Variants in NDRG3 observed in about 807,000 individuals in gnomAD.
The protein encoded by NDRG3 is NDRG family member 3, also known as protein NDRG3.
NDRG3 carries 23 observed loss-of-function variants against 57.2 expected under a neutral mutation model. The observed-to-expected ratio is 0.40, with a 90% CI of 0.29 to 0.57. NDRG3 has a LOEUF of 0.57. NDRG3 is among the 20% of genes least tolerant of loss of function. The pLI is 0.42. For missense variants in NDRG3, 384 were observed against 457.3 expected (o/e 0.84, Z 1.46); for synonymous variants, 132 against 162.6 (o/e 0.81, Z 1.43).
At chr20:36,676,736 A>C (rs932680845) in intron 8 of NDRG3, among the ~76,000 whole-genome samples, 1 of 152,232 alleles carries the variant, frequency 6.6e-6, no homozygotes, top group African/African-American at 2.4e-5. Context: ...GTGCTGGGAT[A>C]ATGGGCGTAA....
At chr20:36,738,561 GC>G (rs1568676224) in intron 1 of NDRG3, among the ~76,000 whole-genome samples, 1 of 151,688 alleles carries the variant, frequency 6.6e-6, no homozygotes, top group Non-Finnish European at 1.5e-5. Flanking sequence ...AGTGGCTCAC[GC>G]CTGTAATCCC....
chr20:36,665,723 C>G (rs908271495), intron 10 of NDRG3, among the ~76,000 whole-genome samples: 1 of 152,032 alleles, frequency 6.6e-6, no homozygotes, highest in Non-Finnish European at 1.5e-5. Flanking sequence ...CTCAGCCTCC[C>G]AAGTAGCTGA....
At chr20:36,655,490 C>T (rs1471079049) in intron 15 of NDRG3, among the ~76,000 whole-genome samples, 4 of 152,206 alleles carry the variant, frequency 2.6e-5, no homozygotes, top group African/African-American at 9.6e-5. Flanking sequence ...AGGACAATGG[C>T]ATATGATATG....
chr20:36,729,808 A>G (rs1207426070), intron 1 of NDRG3, among the ~76,000 whole-genome samples: 5 of 152,100 alleles, frequency 3.3e-5, no homozygotes, highest in African/African-American at 1.2e-4. Flanking sequence ...AATTACAGGC[A>G]TGAGCCACCA....
rs949797208 is a variant in NDRG3 at position 36,688,667 on chromosome 20, T to C, written c.199+12A>G. ...TATGATAAGAAGGGAAGGTGTAAAA[T>C]AAAATACATACGGTTGAGGCCAATG... On this transcript the variant is annotated intron_variant, in intron 4 of 15. Coordinates refer to ENST00000349004, the MANE Select transcript of NDRG3 (RefSeq NM_032013.4). The C allele has an allele frequency of 2.5e-6, 4 of 1,578,810 alleles. No homozygotes were observed. The highest frequency in any genetic ancestry group is 4.5e-5 in the East Asian group (2 of 44,688).
chr20:36,731,862 C>A (rs1449587087), intron 1 of NDRG3, among the ~76,000 whole-genome samples: 1 of 151,330 alleles, frequency 6.6e-6, no homozygotes, highest in Non-Finnish European at 1.5e-5. Flanking sequence ...CATAGTGGAT[C>A]AAATCCATAA....
At chr20:36,682,633 T>C (rs1981406789) in intron 6 of NDRG3, 55 bp from the exon 7 acceptor site, 16 of 1,453,268 alleles carry the variant, frequency 1.1e-5, no homozygotes, top group East Asian at 2.3e-5. Flanking sequence ...GCAGGCAGCA[T>C]TGCATAATTG....
intron 6 of NDRG3, 106 bp downstream of exon 6, chr20:36,684,307 C>A: frequency 2.3e-6 from 2 of 869,330 alleles, no homozygotes; most frequent in South Asian, 1.5e-5. Context: ...TCTAGGAGGA[C>A]AGTGATAATA....
chr20:36,684,387 C>A, intron 6 of NDRG3, 26 bp downstream of exon 6: 1 of 1,593,862 alleles, frequency 6.3e-7, no homozygotes, highest in Non-Finnish European at 8.6e-7. Flanking sequence ...ATAAAAACTG[C>A]ATGAAAGACT....
At chr20:36,686,876 TTTTG>T (rs1352032410) in intron 5 of NDRG3, among the ~76,000 whole-genome samples, 3 of 152,056 alleles carry the variant, frequency 2.0e-5, no homozygotes, top group African/African-American at 4.8e-5. Flanking sequence ...TGACAGGTTT[TTTTG>T]TTTGTTTGTT....
At chr20:36,733,160 AAAAAAAAAAAAATATATATATAT>A (rs1175205713) in intron 1 of NDRG3, among the ~76,000 whole-genome samples, 23 of 54,730 alleles carry the variant, frequency 4.2e-4, no homozygotes, top group Admixed American at 5.7e-4. Flanking sequence ...AAAAAAAAAA[AAAAAAAAAAAAATATATATATAT>A]ATATATATAT....
chr20:36,715,536 AGCT>A (rs1334856972), intron 2 of NDRG3, among the ~76,000 whole-genome samples: 1 of 147,288 alleles, frequency 6.8e-6, no homozygotes, highest in African/African-American at 2.5e-5. Flanking sequence ...ACAACCTTGG[AGCT>A]GGGTGCGGTA....
At chr20:36,679,692 C>G (rs912350914) in intron 8 of NDRG3, among the ~76,000 whole-genome samples, 2 of 148,958 alleles carry the variant, frequency 1.3e-5, no homozygotes, top group Non-Finnish European at 3.0e-5. Context: ...TTAGTAGAGA[C>G]GGAGTTTCGC....
At chr20:36,711,116 TAA>T (rs577163182) in intron 2 of NDRG3, among the ~76,000 whole-genome samples, 19 of 113,606 alleles carry the variant, frequency 1.7e-4, no homozygotes, top group Admixed American at 3.7e-4. Flanking sequence ...CCATCTCTAC[TAA>T]AAAAAAAAAA....
intron 8 of NDRG3, among the ~76,000 whole-genome samples, chr20:36,675,480 G>A (rs1980606477): frequency 6.6e-6 from 1 of 151,226 alleles, no homozygotes; most frequent in South Asian, 2.1e-4. Flanking sequence ...TCCACCTCCC[G>A]GGTTCAAGTG....
chr20:36,740,910 G>C (rs1055029300), intron 1 of NDRG3, among the ~76,000 whole-genome samples: 1 of 152,188 alleles, frequency 6.6e-6, no homozygotes, highest in Non-Finnish European at 1.5e-5. Flanking sequence ...TACCAAAGAA[G>C]GCCCTGAAAC....
Position 36,721,681 on chromosome 20 carries a change from TATC to T in NDRG3, c.52_54del (p.Asp18del), listed in dbSNP as rs749708057. ...AGTGAAAACAGAAAAGTCTTTACCTTATCATTTAGAAGTGGTTTGATCTCTGTG... is the reference window on the plus strand; with the variant it reads ...AGTGAAAACAGAAAAGTCTTTACCTTATTTAGAAGTGGTTTGATCTCTGTG... On this transcript the variant is annotated inframe_deletion, in exon 2 of 16. Transcript: ENST00000349004. 6.3e-6 allele frequency: 10 copies of T among 1,597,764 alleles called. No homozygotes were observed. The highest frequency in any genetic ancestry group is 8.6e-6 in the Non-Finnish European group (10 of 1,167,772).
chr20:36,729,817 C>T (rs62206153), intron 1 of NDRG3, among the ~76,000 whole-genome samples: 1,587 of 152,192 alleles, frequency 0.01, 13 homozygotes, highest in Non-Finnish European at 0.017. Context: ...CATGAGCCAC[C>T]ATGCCCAGCC....
intron 1 of NDRG3, among the ~76,000 whole-genome samples, chr20:36,744,695 T>G (rs1187114480): frequency 6.6e-6 from 1 of 152,226 alleles, no homozygotes; most frequent in Non-Finnish European, 1.5e-5. Flanking sequence ...GCTGTTCATT[T>G]GGAACTTTAA....
Sources: allele counts gnomAD v4.1 joint callset (sites outside exome capture counted in the v4.1 genomes callset), GRCh38; gene constraint gnomAD v4.1.1; transcripts MANE v1.5; gene names NCBI Gene and HGNC (gene_info 2026-07-23, HGNC 2026-07-21).